The following ATXN2L variants were observed in gnomAD, a reference collection of about 807,000 sequenced individuals.
The protein encoded by ATXN2L is ataxin-2-like protein.
In ATXN2L, 24 loss-of-function variants were observed where a neutral mutation model predicts 120.7. That is an observed-to-expected ratio of 0.20 (90% confidence interval 0.14 to 0.28). The LOEUF is 0.28. ATXN2L is among the 10% of genes least tolerant of loss of function. ATXN2L has a pLI of 1.00. For missense variants in ATXN2L, 1,312 were observed against 1,432.3 expected (o/e 0.92, Z 1.36); for synonymous variants, 653 against 568.1 (o/e 1.15, Z -2.13).
intron 6 of ATXN2L, among the ~76,000 whole-genome samples, chr16:28,827,475 C>T (rs892865010): frequency 2.0e-5 from 3 of 152,146 alleles, no homozygotes; most frequent in African/African-American, 7.2e-5. Context: ...CTATAATTAA[C>T]CACTCCTAGC....
chr16:28,834,632 A>G lies in ATXN2L; in HGVS notation c.2372A>G (p.Asn791Ser). The G allele has an allele frequency of 6.2e-7, 1 of 1,613,580 alleles. No homozygotes were observed. The highest frequency in any genetic ancestry group is 8.5e-7 in the Non-Finnish European group (1 of 1,179,936). The stretch of plus-strand genomic sequence containing the variant: ...CCCTATTCTTCCTACATCCCCTACA[A>G]CCCTCAGCAGTTCCCAGGCCAGCCA... The part of the protein sequence containing the change: ...ATPYSSYIPY[N>S]PQQFPGQPAM... The change falls in exon 18 of 22, where the codon AAC (asparagine) becomes AGC (serine). Residue 791 changes from asparagine to serine, a missense_variant. Coordinates refer to ENST00000336783, the MANE Select transcript of ATXN2L (RefSeq NM_007245.4).
At position 28,835,199 on chromosome 16, in the gene ATXN2L, G is replaced by A. The variant is rs764285266; in HGVS notation, c.2563+12G>A. On this transcript the variant is annotated intron_variant, in intron 19 of 21. Transcript: ENST00000336783. ...CCAAGCCCTTTATGGTGAGTCCTGC[G>A]CCTGGTCCCTCTGCTCTGGGCTGTG... 57 of 1,608,868 alleles carry A rather than the reference G, an allele frequency of 3.5e-5. No homozygotes were observed. The highest frequency in any genetic ancestry group is 3.3e-4 in the Middle Eastern group (2 of 6,052).
At chr16:28,829,302 C>T in intron 6 of ATXN2L, 99 bp from the exon 7 acceptor site, 3 of 831,296 alleles carry the variant, frequency 3.6e-6, no homozygotes, top group South Asian at 1.5e-5. Flanking sequence ...TGTGCCCAGC[C>T]AATTTGTTCA....
intron 2 of ATXN2L, 102 bp from the exon 3 acceptor site, chr16:28,825,522 C>A: frequency 6.5e-7 from 1 of 1,532,168 alleles, no homozygotes; most frequent in Non-Finnish European, 9.0e-7. Flanking sequence ...GTGGGCCCGG[C>A]ACACACAAGG....
At chr16:28,832,993 G>A in intron 13 of ATXN2L, 66 bp from the exon 14 acceptor site, 1 of 1,592,926 alleles carries the variant, frequency 6.3e-7, no homozygotes, top group Non-Finnish European at 8.6e-7. Context: ...ATCAAAAAAG[G>A]ATGAAAGAAG....
Position 28,823,395 on chromosome 16 carries a change from G to A in ATXN2L, c.136G>A (p.Ala46Thr). ...CCTCCCGGGGCCGCTGGCCACCTCTGCGGCTCCTCCCGGGCCTCCAGCGGC... is the reference window on the plus strand; with the variant it reads ...CCTCCCGGGGCCGCTGGCCACCTCTACGGCTCCTCCCGGGCCTCCAGCGGC... ...GGLPGPLATS[A>T]APPGPPAAAS... is the part of the protein sequence containing the mutation. The change falls in exon 1 of 22, where the codon GCG (alanine) becomes ACG (threonine). Residue 46 changes from alanine (A) to threonine (T), a missense_variant. By Grantham distance (58) the Ala-to-Thr change is moderately conservative. Transcript: ENST00000336783. The A allele has an allele frequency of 7.5e-7, 1 of 1,335,052 alleles. No individual in the cohort carries two copies. Among genetic ancestry groups the A allele is most frequent in the East Asian group, 2.9e-5 (1 of 33,988 alleles). 82.7% of individuals were successfully genotyped at this position (1,335,052 alleles called of 1,614,324 possible).
chr16:28,830,838 A>T, intron 9 of ATXN2L, 48 bp downstream of exon 9: 1 of 1,555,128 alleles, frequency 6.4e-7, no homozygotes, highest in Non-Finnish European at 8.7e-7. Context: ...AGGGGATGCC[A>T]AGGAGGTGGG....
Position 28,836,311 on chromosome 16 carries a change from C to T in ATXN2L, c.*46C>T. 1 of 1,611,604 alleles carries T rather than the reference C, an allele frequency of 6.2e-7. No individual in the cohort carries two copies. The highest frequency in any genetic ancestry group is 8.5e-7 in the Non-Finnish European group (1 of 1,178,806). On this transcript the variant is annotated 3_prime_UTR_variant, in exon 22 of 22. Coordinates refer to ENST00000336783, the MANE Select transcript of ATXN2L (RefSeq NM_007245.4). ...GTCCCACAGGGCGCCCGCCGACCTG[C>T]ACCTGTCTGTGAAGTATGTAGGGTG...
Position 28,830,661 on chromosome 16 carries a change from C to A in ATXN2L, c.1081C>A (p.Arg361=). The change falls in exon 9 of 22, where the codon CGG becomes AGG. Residue 361 remains arginine (R), a synonymous_variant. Transcript: ENST00000336783. The stretch of plus-strand genomic sequence containing the variant: ...GCCTCAACGAGTCCGGGAAGGTCCC[C>A]GGGGAGGAGTTCGATGCAGCAGCTC... The part of the protein sequence containing the change: ...PLPQRVREGP[R]GGVRCSSSRG... 1 of 1,612,130 alleles carries A rather than the reference C, an allele frequency of 6.2e-7. No homozygotes were observed. Among genetic ancestry groups the A allele is most frequent in the Non-Finnish European group, 8.5e-7 (1 of 1,179,264 alleles).
intron 4 of ATXN2L, 96 bp from the exon 5 acceptor site, chr16:28,826,144 G>T: frequency 6.7e-7 from 1 of 1,483,778 alleles, no homozygotes; most frequent in South Asian, 1.2e-5. Context: ...GGAAGGGTAA[G>T]AGAAATCCAG....
chr16:28,823,693 G>A, intron 1 of ATXN2L, 135 bp downstream of exon 1: 3 of 949,860 alleles, frequency 3.2e-6, no homozygotes, highest in Admixed American at 4.3e-5. Flanking sequence ...CTGGGGGAGG[G>A]CCCCCTCAGG....
intron 1 of ATXN2L, chr16:28,823,947 A>AG (rs1433446909): frequency 1.8e-5 from 5 of 275,726 alleles, no homozygotes; most frequent in African/African-American, 4.5e-5. Flanking sequence ...TGCTGCGGGA[A>AG]GGGGTCCCCG....
Position 28,823,496 on chromosome 16 carries a change from G to A in ATXN2L, c.237G>A (p.Pro79=), listed in dbSNP as rs1300076366. The part of the protein sequence containing the change: ...LRRGAEGILA[P]QPPPPQQHQE... ...GGGGAGCCGAAGGCATCTTGGCGCC[G>A]CAGCCGCCGCCGCCGCAGCAACACC... The change falls in exon 1 of 22, where the codon CCG becomes CCA. Residue 79 remains proline, a synonymous_variant. Coordinates refer to ENST00000336783, the MANE Select transcript of ATXN2L (RefSeq NM_007245.4). 6 of 1,381,732 alleles carry A rather than the reference G, an allele frequency of 4.3e-6. No homozygotes were observed. Among genetic ancestry groups the A allele is most frequent in the South Asian group, 3.2e-5 (2 of 62,240 alleles). 85.6% of individuals were successfully genotyped at this position (1,381,732 alleles called of 1,614,324 possible).
At position 28,834,250 on chromosome 16, in the gene ATXN2L, TG is replaced by T. The variant is rs760431096; in HGVS notation, c.2172+42del. The T allele has an allele frequency of 3.1e-6, 5 of 1,609,636 alleles. No individual in the cohort carries two copies. In the East Asian group the frequency reaches 8.9e-5, roughly 29 times the overall value. On this transcript the variant is annotated intron_variant, in intron 16 of 21. Transcript: ENST00000336783. ...CTGGCCGGGCCCAGGGTTAGCGGGG[TG>T]GGATTTGGTTGCGCTGGTTGAGGGA...
Position 28,836,936 on chromosome 16 carries a change from CAG to C in ATXN2L, c.*674_*675del. 1 of 796,350 alleles carries C rather than the reference CAG, an allele frequency of 1.3e-6. No individual in the cohort carries two copies. The highest frequency in any genetic ancestry group is 2.0e-6 in the Non-Finnish European group (1 of 493,022). The allele number at this position is 796,350 out of a possible 1,614,324, so 49.3% of individuals were successfully genotyped here. On this transcript the variant is annotated 3_prime_UTR_variant, in exon 22 of 22. Transcript: ENST00000336783. The stretch of plus-strand genomic sequence containing the variant: ...AGCACCTTGAATGGGAGGGGCCTCA[CAG>C]AGGGCAGGGCCAGGGTCCAGCAGGG...
rs1348705560 is a variant in ATXN2L, at chr16:28,836,598, C to T, written c.*333C>T. On this transcript the variant is annotated 3_prime_UTR_variant, in exon 22 of 22. Transcript: ENST00000336783. ...AGCGATTGACCTGTGCTTCTGACAG[C>T]CCCCGAGACACCTTGAGGAGGCCGC... is the stretch of plus-strand genomic sequence containing the variant. 3.8e-6 allele frequency: 6 copies of T among 1,574,996 alleles called. No individual in the cohort carries two copies. The South Asian group carries it at 4.5e-5, about 12-fold the overall frequency.
Position 28,837,075 on chromosome 16 carries a change from C to T in ATXN2L, c.*810C>T, listed in dbSNP as rs926690535. 8.7e-6 allele frequency: 5 copies of T among 575,078 alleles called. No individual in the cohort carries two copies. Among genetic ancestry groups the T allele is most frequent in the Non-Finnish European group, 1.3e-5 (4 of 306,276 alleles). The allele number at this position is 575,078 out of a possible 1,614,324, so 35.6% of individuals were successfully genotyped here. The stretch of plus-strand genomic sequence containing the variant: ...ATCTTTTATTTTCTATTATTTATAA[C>T]TTCAGACTTGGGCCCCCTGTTCTTT... On this transcript the variant is annotated 3_prime_UTR_variant, in exon 22 of 22. Coordinates refer to ENST00000336783, the MANE Select transcript of ATXN2L (RefSeq NM_007245.4).
Position 28,835,566 on chromosome 16 carries a change from C to A in ATXN2L, c.2703C>A (p.Ala901=). Residue 901 remains alanine, a synonymous_variant, in exon 21 of 22, where the codon GCC becomes GCA. Coordinates refer to ENST00000336783, the MANE Select transcript of ATXN2L (RefSeq NM_007245.4). ...CCCAGCAGCATCAGGCGGGGCAGGC[C>A]CCACACTTGGGCAGTGGACAGCCAC... The part of the protein sequence containing the change: ...PSPVQHQAGQ[A]PHLGSGQPQQ... 6.2e-7 allele frequency: 1 copy of A among 1,613,784 alleles called. No individual in the cohort carries two copies. Among genetic ancestry groups the A allele is most frequent in the Non-Finnish European group, 8.5e-7 (1 of 1,179,948 alleles).
Position 28,834,076 on chromosome 16 carries a change from C to T in ATXN2L, c.2037C>T (p.Thr679=). Residue 679 remains threonine (T), a synonymous_variant, in exon 16 of 22, where the codon ACC becomes ACT. Transcript: ENST00000336783. ...CCTTGTTTTTGCAGAATAAATCCACCAGTACCCCAACTTCTCCGGGGCCCC... is the reference window on the plus strand; with the variant it reads ...CCTTGTTTTTGCAGAATAAATCCACTAGTACCCCAACTTCTCCGGGGCCCC... ...TKPLLSVNKS[T]STPTSPGPRT... is the part of the protein sequence containing the mutation. 6.2e-7 allele frequency: 1 copy of T among 1,613,234 alleles called. No homozygotes were observed. Among genetic ancestry groups the T allele is most frequent in the Non-Finnish European group, 8.5e-7 (1 of 1,179,760 alleles).
Sources: allele counts gnomAD v4.1 joint callset (sites outside exome capture counted in the v4.1 genomes callset), GRCh38; gene constraint gnomAD v4.1.1; transcripts MANE v1.5; gene names NCBI Gene and HGNC (gene_info 2026-07-23, HGNC 2026-07-21).